Variants in MYO5A observed in about 807,000 individuals in gnomAD.
MYO5A encodes unconventional myosin-Va.
MYO5A carries 98 observed loss-of-function variants against 249.7 expected under a neutral mutation model. The observed-to-expected ratio is 0.39, with a 90% CI of 0.33 to 0.46. MYO5A has a LOEUF of 0.46. Ranked by LOEUF, MYO5A falls within the 20% of genes least tolerant of loss-of-function variation. MYO5A has a pLI of 0.98. For synonymous variants in MYO5A, 778 were observed against 810.6 expected (o/e 0.96, Z 0.68); for missense variants, 1,696 against 2,308.8 (o/e 0.73, Z 5.44).
intron 4 of MYO5A, among the ~76,000 whole-genome samples, chr15:52,425,179 T>G (rs894839765): frequency 6.6e-6 from 1 of 152,216 alleles, no homozygotes; most frequent in Non-Finnish European, 1.5e-5. Context: ...TTAGTTCTAG[T>G]CTATTACTCA....
intron 1 of MYO5A, among the ~76,000 whole-genome samples, chr15:52,518,120 C>A (rs1420240789): frequency 1.3e-5 from 2 of 152,010 alleles, no homozygotes; most frequent in African/African-American, 4.8e-5. Flanking sequence ...TCCCCCATCC[C>A]CACCATCCCA....
intron 1 of MYO5A, among the ~76,000 whole-genome samples, chr15:52,438,562 C>G (rs2075716565): frequency 6.6e-6 from 1 of 152,210 alleles, no homozygotes; most frequent in African/African-American, 2.4e-5. Flanking sequence ...AAGGTGACCA[C>G]GTCCACCTTT....
At chr15:52,476,050 C>G (rs2076584222) in intron 1 of MYO5A, among the ~76,000 whole-genome samples, 1 of 152,102 alleles carries the variant, frequency 6.6e-6, no homozygotes, top group South Asian at 2.1e-4. Flanking sequence ...TCTCTAAGGA[C>G]TTGCTTTTTG....
chr15:52,402,542 T>C (rs2042809149), intron 9 of MYO5A, among the ~76,000 whole-genome samples: 3 of 152,106 alleles, frequency 2.0e-5, no homozygotes, highest in Admixed American at 1.3e-4. Context: ...GTCTTACCAG[T>C]AACTTTTAAA....
chr15:52,382,942 T>C, intron 16 of MYO5A, 149 bp downstream of exon 16: 1 of 707,960 alleles, frequency 1.4e-6, no homozygotes, highest in Non-Finnish European at 2.5e-6. Flanking sequence ...AATAATCTAC[T>C]GACTAGTGGT....
chr15:52,394,928 T>C (rs879908782), intron 11 of MYO5A, among the ~76,000 whole-genome samples: 42 of 152,258 alleles, frequency 2.8e-4, no homozygotes, highest in Admixed American at 1.1e-3. Context: ...ATTATGGAAA[T>C]AGTCATAAGC....
chr15:52,499,872 T>C (rs181148572), intron 1 of MYO5A, among the ~76,000 whole-genome samples: 1 of 152,084 alleles, frequency 6.6e-6, no homozygotes, highest in African/African-American at 2.4e-5. Flanking sequence ...CTGGATCATA[T>C]GGTAATTATC....
At chr15:52,379,800 A>G (rs374906726) in intron 17 of MYO5A, 22 bp downstream of exon 17, 11 of 1,614,018 alleles carry the variant, frequency 6.8e-6, no homozygotes, top group Non-Finnish European at 9.3e-6. Flanking sequence ...GATCCCTTAC[A>G]TCTGAAAAAT....
Position 52,442,855 on chromosome 15 carries a change from G to A in MYO5A, c.28-9570C>T, listed in dbSNP as rs182536351. ...ACTGCAACCTCCACCTCCCAGGTTC[G>A]AGCGATTCTCTTCCCTCAGCCTCCC... On this transcript the variant is annotated intron_variant, in intron 1 of 41. Coordinates refer to ENST00000399233, the MANE Select transcript of MYO5A (RefSeq NM_001382347.1). Among the ~76,000 whole-genome samples, 66 of 151,040 alleles carry A rather than the reference G, an allele frequency of 4.4e-4. 1 individual carries two copies. In the East Asian group the frequency reaches 6.8e-3, roughly 16 times the overall value.
intron 32 of MYO5A, among the ~76,000 whole-genome samples, chr15:52,338,224 C>T (rs1385965938): frequency 8.5e-5 from 11 of 128,798 alleles, no homozygotes; most frequent in East Asian, 2.3e-4. Context: ...ACTTGCTGCA[C>T]TTTTTTTTTT....
intron 4 of MYO5A, among the ~76,000 whole-genome samples, chr15:52,417,974 G>A (rs896241130): frequency 2.6e-5 from 4 of 152,204 alleles, no homozygotes; most frequent in Non-Finnish European, 4.4e-5. Flanking sequence ...TGATGGGGCC[G>A]TAAGAGGAAG....
At chr15:52,363,596 C>G (rs1451689242) in intron 24 of MYO5A, among the ~76,000 whole-genome samples, 4 of 152,108 alleles carry the variant, frequency 2.6e-5, no homozygotes, top group African/African-American at 9.7e-5. Context: ...CAGATAGAAG[C>G]AAAATTTGAA....
At chr15:52,435,913 T>G (rs1356175791) in intron 1 of MYO5A, among the ~76,000 whole-genome samples, 1 of 152,122 alleles carries the variant, frequency 6.6e-6, no homozygotes, top group Non-Finnish European at 1.5e-5. Context: ...GCCATCACAG[T>G]TTTTTTGTTT....
At chr15:52,391,411 A>G (rs2042230892) in intron 12 of MYO5A, among the ~76,000 whole-genome samples, 1 of 152,210 alleles carries the variant, frequency 6.6e-6, no homozygotes, top group Non-Finnish European at 1.5e-5. Context: ...ACTAAAGAGA[A>G]ATAAAGCGAA....
chr15:52,421,054 T>C (rs1011428441), intron 4 of MYO5A, among the ~76,000 whole-genome samples: 45 of 152,232 alleles, frequency 3.0e-4, no homozygotes, highest in African/African-American at 1.1e-3. Context: ...ATATGGTAGA[T>C]ATTTATTAAT....
In MYO5A at chr15:52,425,953, T is replaced by C. The variant is rs2075385158; in HGVS notation, c.332A>G (p.Asn111Ser). ...ATAAATAGGCAGCTGTTCATAGGGA[T>C]TTATAGCTACTAGGACTATACCTGG... ...TYCGIVLVAI[N>S]PYEQLPIYGE... Residue 111 changes from asparagine (N) to serine (S), a missense_variant, in exon 4 of 42, where the codon AAT (asparagine) becomes AGT (serine). Asn to Ser is a conservative substitution (Grantham distance 46, BLOSUM62 1). Transcript: ENST00000399233. The C allele has an allele frequency of 1.9e-6, 3 of 1,612,956 alleles. No individual in the cohort carries two copies. The highest frequency in any genetic ancestry group is 1.7e-6 in the Non-Finnish European group (2 of 1,179,172).
At chr15:52,512,030 G>A (rs932133116) in intron 1 of MYO5A, among the ~76,000 whole-genome samples, 23 of 152,072 alleles carry the variant, frequency 1.5e-4, no homozygotes, top group African/African-American at 5.6e-4. Context: ...GGGCGTGGTG[G>A]CAGGCGCCTG....
At chr15:52,414,887 C>T (rs537600614) in intron 5 of MYO5A, among the ~76,000 whole-genome samples, 2 of 152,190 alleles carry the variant, frequency 1.3e-5, no homozygotes, top group East Asian at 1.9e-4. Flanking sequence ...TACTCTCTTT[C>T]GGTGCAAACA....
intron 1 of MYO5A, among the ~76,000 whole-genome samples, chr15:52,468,384 A>C (rs1479931133): frequency 6.6e-6 from 1 of 152,186 alleles, no homozygotes; most frequent in Non-Finnish European, 1.5e-5. Flanking sequence ...TAGGCCAGGT[A>C]CAATGGCTAA....
Sources: allele counts gnomAD v4.1 joint callset (sites outside exome capture counted in the v4.1 genomes callset), GRCh38; gene constraint gnomAD v4.1.1; transcripts MANE v1.5; gene names NCBI Gene and HGNC (gene_info 2026-07-23, HGNC 2026-07-21).